Variants in COL4A1 observed in about 807,000 individuals in gnomAD.
The protein encoded by COL4A1 is collagen alpha-1(IV) chain.
COL4A1 carries 40 observed loss-of-function variants against 216.6 expected under a neutral mutation model. That is an observed-to-expected ratio of 0.18 (90% CI 0.14 to 0.24). COL4A1 has a LOEUF of 0.24. COL4A1 is among the 10% of genes least tolerant of loss of function. The probability of loss-of-function intolerance (pLI) is 1.00; values close to 1 mark genes in which losing one functional copy is unlikely to be tolerated. For synonymous variants in COL4A1, 839 were observed against 810.7 expected (o/e 1.03, Z -0.59); for missense variants, 1,628 against 2,196.8 (o/e 0.74, Z 5.18).
intron 1 of COL4A1, among the ~76,000 whole-genome samples, chr13:110,263,316 A>C (rs1882900520): frequency 2.0e-5 from 3 of 152,212 alleles, no homozygotes; most frequent in African/African-American, 4.8e-5. Flanking sequence ...TGTAATCAAG[A>C]AGTATTGGGA....
rs942552844 is a variant in COL4A1 at position 110,307,105 on chromosome 13, G to T, written c.-78C>A. 117 of 1,218,104 alleles carry T rather than the reference G, an allele frequency of 9.6e-5. 3 individuals are homozygous for T. The highest frequency in any genetic ancestry group is 2.8e-4 in the Middle Eastern group (1 of 3,542). 75.5% of individuals were successfully genotyped at this position (1,218,104 alleles called of 1,614,324 possible). A position where few individuals can be genotyped will look rare whatever the true frequency, so the allele number is the denominator to read the frequency against. On this transcript the variant is annotated 5_prime_UTR_variant, in exon 1 of 52. Coordinates refer to ENST00000375820, the MANE Select transcript of COL4A1 (RefSeq NM_001845.6). The surrounding 1 kb of genome is among the most constrained non-coding windows in gnomAD (Gnocchi z 5.0). ...GCGGACAGCTAGCTCTCGGAAGGCC[G>T]GACTTCCAGCGCTACGCACCGTCCC...
intron 51 of COL4A1, among the ~76,000 whole-genome samples, chr13:110,150,722 G>C (rs1876463473): frequency 6.6e-6 from 1 of 152,202 alleles, no homozygotes; most frequent in African/African-American, 2.4e-5. Flanking sequence ...CGCCACATCA[G>C]TCTGGCTCCG....
At chr13:110,229,603 TG>T in intron 2 of COL4A1, among the ~76,000 whole-genome samples, 1 of 152,168 alleles carries the variant, frequency 6.6e-6, no homozygotes, top group South Asian at 2.1e-4. Flanking sequence ...GGCATGGAGG[TG>T]GGGCCTTGGG....
Position 110,307,129 on chromosome 13 carries a change from C to T in COL4A1, c.-102G>A, listed in dbSNP as rs1424758968. 2 of 944,938 alleles carry T rather than the reference C, an allele frequency of 2.1e-6. No individual in the cohort carries two copies. Among genetic ancestry groups the T allele is most frequent in the East Asian group, 6.8e-5 (2 of 29,526 alleles). The allele number at this position is 944,938 out of a possible 1,614,324, so 58.5% of individuals were successfully genotyped here. A position where few individuals can be genotyped will look rare whatever the true frequency, so the allele number is the denominator to read the frequency against. ...CGGACTTCCAGCGCTACGCACCGTC[C>T]CGGGTGCGGCGGCTCCAAGCGGAGA... On this transcript the variant is annotated 5_prime_UTR_variant, in exon 1 of 52. Coordinates refer to ENST00000375820, the MANE Select transcript of COL4A1 (RefSeq NM_001845.6). This position sits in a 1 kb window ranked among gnomAD's most constrained non-coding sequence, Gnocchi z 5.0.
At chr13:110,165,701 A>G (rs1190843550) in intron 45 of COL4A1, among the ~76,000 whole-genome samples, 1 of 152,128 alleles carries the variant, frequency 6.6e-6, no homozygotes, top group African/African-American at 2.4e-5. Flanking sequence ...ATGATGCCCT[A>G]GAAGTATGGT....
chr13:110,219,898 ATATG>A (rs1880373350), intron 2 of COL4A1, among the ~76,000 whole-genome samples: 1 of 141,392 alleles, frequency 7.1e-6, no homozygotes, highest in African/African-American at 2.7e-5. Context: ...GTGTGTATAT[ATATG>A]TATATATATG....
Position 110,211,763 on chromosome 13 carries a change from TAA to T in COL4A1, c.442-92_442-91del, listed in dbSNP as rs1879807674. 7 of 1,457,114 alleles carry T rather than the reference TAA, an allele frequency of 4.8e-6. No homozygotes were observed. Among genetic ancestry groups the T allele is most frequent in the Admixed American group, 1.9e-5 (1 of 52,484 alleles). The allele number at this position is 1,457,114 out of a possible 1,614,324, so 90.3% of individuals were successfully genotyped here. ...ATCATGTAATATTATATATAAAATA[TAA>T]GTTATTAAAACATAAGCAAAGAAAG... On this transcript the variant is annotated intron_variant, in intron 7 of 51. Coordinates refer to ENST00000375820, the MANE Select transcript of COL4A1 (RefSeq NM_001845.6). This position sits in a 1 kb window ranked among gnomAD's most constrained non-coding sequence, Gnocchi z 4.3.
intron 2 of COL4A1, among the ~76,000 whole-genome samples, chr13:110,222,772 T>A (rs66534823): frequency 0.77 from 69,619 of 90,368 alleles, 24,826 homozygotes; most frequent in South Asian, 0.82. Flanking sequence ...GACTCTGCTT[T>A]AAAAAAAAAA....
At chr13:110,240,955 C>T (rs190535025) in intron 2 of COL4A1, among the ~76,000 whole-genome samples, 3 of 152,266 alleles carry the variant, frequency 2.0e-5, no homozygotes, top group Non-Finnish European at 2.9e-5. Flanking sequence ...CTGCAACCTC[C>T]GCCTCCTGGG....
chr13:110,247,034 C>A (rs901378253), intron 1 of COL4A1, among the ~76,000 whole-genome samples: 2 of 152,082 alleles, frequency 1.3e-5, no homozygotes, highest in African/African-American at 4.8e-5. Flanking sequence ...AACACAGGTA[C>A]CCCAGACCAA....
chr13:110,261,086 TTTTACCACAA>T (rs1387078149), intron 1 of COL4A1, among the ~76,000 whole-genome samples: 1 of 150,812 alleles, frequency 6.6e-6, no homozygotes. Context: ...GTTATGTGTA[TTTTACCACAA>T]TTTTAAAAAT....
intron 2 of COL4A1, among the ~76,000 whole-genome samples, chr13:110,222,351 C>G (rs1431038614): frequency 2.0e-5 from 3 of 152,168 alleles, no homozygotes; most frequent in African/African-American, 7.2e-5. Context: ...GGCGGAGGAA[C>G]CAACGGCCTC....
At chr13:110,171,935 G>A (rs1877661712) in intron 41 of COL4A1, among the ~76,000 whole-genome samples, 1 of 152,246 alleles carries the variant, frequency 6.6e-6, no homozygotes, top group Non-Finnish European at 1.5e-5. Flanking sequence ...TCTCAACCCA[G>A]GGGTTCCCAG....
intron 1 of COL4A1, among the ~76,000 whole-genome samples, chr13:110,297,807 A>C (rs1884333810): frequency 6.6e-6 from 1 of 152,230 alleles, no homozygotes; most frequent in African/African-American, 2.4e-5. Flanking sequence ...GTAAGCGCTG[A>C]ACACACACTT....
At chr13:110,199,613 G>A (rs2139188705) in intron 20 of COL4A1, among the ~76,000 whole-genome samples, 2 of 152,358 alleles carry the variant, frequency 1.3e-5, no homozygotes, top group Middle Eastern at 6.8e-3. Context: ...CTCAGGGTGA[G>A]GAGGACGGTC....
intron 2 of COL4A1, among the ~76,000 whole-genome samples, chr13:110,226,734 T>G (rs758657072): frequency 6.6e-6 from 1 of 152,250 alleles, no homozygotes; most frequent in Non-Finnish European, 1.5e-5. Flanking sequence ...TTTTAATCTC[T>G]TTTAAGTAAA....
chr13:110,247,348 T>C (rs546309448), intron 1 of COL4A1, among the ~76,000 whole-genome samples: 1 of 152,166 alleles, frequency 6.6e-6, no homozygotes, highest in East Asian at 1.9e-4. Context: ...AAACAAAAAA[T>C]ACAATATGAA....
intron 1 of COL4A1, among the ~76,000 whole-genome samples, chr13:110,291,431 C>T (rs531126756): frequency 8.5e-5 from 13 of 152,270 alleles, no homozygotes; most frequent in African/African-American, 2.4e-4. Flanking sequence ...TAGGGGTGCA[C>T]GGGAGCGCCA....
Position 110,187,282 on chromosome 13 carries a change from C to G in COL4A1, c.1584G>C (p.Gly528=). The G allele has an allele frequency of 6.2e-7, 1 of 1,613,226 alleles. No individual in the cohort carries two copies. Among genetic ancestry groups the G allele is most frequent in the Non-Finnish European group, 8.5e-7 (1 of 1,179,884 alleles). ...AGTCGAAATAAAACTCACCAGGCTC[C>G]CCCTTGGCTCCTGGCTGGCCTATCA... is the stretch of plus-strand genomic sequence containing the variant. ...PGLIGQPGAK[G]EPGEFYFDLR... The change falls in exon 25 of 52, where the codon GGG becomes GGC. Residue 528 remains glycine (G), a synonymous_variant. Transcript: ENST00000375820.
Sources: gnomAD v4.1 joint callset for allele counts (sites outside exome capture counted in the v4.1 genomes callset) on GRCh38, gnomAD v4.1.1 for gene constraint, Gnocchi (gnomAD v3.1) non-coding constraint, MANE v1.5 for transcripts, NCBI Gene and HGNC (gene_info 2026-07-23, HGNC 2026-07-21) for gene names.